The following IMMP2L variants were observed in gnomAD, a reference collection of about 807,000 sequenced individuals.
The protein encoded by IMMP2L is mitochondrial inner membrane protease subunit 2.
IMMP2L carries 18 observed loss-of-function variants against 19.3 expected under a neutral mutation model. The ratio of observed to expected loss-of-function variants is 0.93; its 90% CI spans 0.64 to 1.38. The LOEUF is 1.38. Ranked by LOEUF, IMMP2L falls within the 40% of genes most tolerant of loss-of-function variation. The pLI is 0.00. For synonymous variants in IMMP2L, 76 were observed against 73.0 expected, an observed-to-expected ratio of 1.04 and a Z score of -0.21; for missense variants, 233 against 218.2, an observed-to-expected ratio of 1.07 and a Z score of -0.43.
chr7:111,403,372 A>G (rs937548009), intron 3 of IMMP2L, among the ~76,000 whole-genome samples: 2 of 151,702 alleles, frequency 1.3e-5, no homozygotes, highest in Non-Finnish European at 2.9e-5. Flanking sequence ...AGTCAATTGA[A>G]CCTCTTTTCT....
At chr7:110,789,381 T>C (rs934572563) in intron 5 of IMMP2L, among the ~76,000 whole-genome samples, 2 of 151,708 alleles carry the variant, frequency 1.3e-5, no homozygotes, top group Non-Finnish European at 2.9e-5. Context: ...ATCTTTAGCT[T>C]CTCCCTGTTT....
intron 5 of IMMP2L, among the ~76,000 whole-genome samples, chr7:110,756,442 T>C (rs1248237982): frequency 2.0e-5 from 3 of 152,084 alleles, no homozygotes; most frequent in African/African-American, 7.2e-5. Flanking sequence ...ATATATATTT[T>C]GAAGCCCAGA....
rs1468865059 is a variant in IMMP2L at position 110,696,615 on chromosome 7, C to T, written c.409-32894G>A. Among the ~76,000 whole-genome samples the T allele has an allele frequency of 2.6e-5, 4 of 151,722 alleles. No homozygotes were observed. In the South Asian group the frequency reaches 6.2e-4, roughly 24 times the overall value. On this transcript the variant is annotated intron_variant, in intron 5 of 5. Coordinates refer to ENST00000405709, the MANE Select transcript of IMMP2L (RefSeq NM_032549.4). ...CTGATTTTTGTATTTTTAGTAGAGACGGGTTTCACCATGTTGGCCAGGCTG... is the reference window on the plus strand; with the variant it reads ...CTGATTTTTGTATTTTTAGTAGAGATGGGTTTCACCATGTTGGCCAGGCTG...
intron 5 of IMMP2L, among the ~76,000 whole-genome samples, chr7:110,736,635 A>AT (rs35517189): frequency 0.33 from 50,252 of 152,038 alleles, 10,080 homozygotes; most frequent in East Asian, 0.69. Flanking sequence ...TCAAGATTTA[A>AT]TGTTCTTTGC....
At chr7:110,666,323 G>A (rs1203139680) in intron 5 of IMMP2L, among the ~76,000 whole-genome samples, 1 of 152,170 alleles carries the variant, frequency 6.6e-6, no homozygotes, top group Non-Finnish European at 1.5e-5. Context: ...CGCCCAGGCT[G>A]GAGTGCAGTG....
intron 3 of IMMP2L, among the ~76,000 whole-genome samples, chr7:111,006,110 T>C (rs564370444): frequency 3.9e-5 from 6 of 152,300 alleles, no homozygotes; most frequent in Admixed American, 1.3e-4. Context: ...GCGTAAATTA[T>C]GCTTACATCT....
At chr7:111,297,519 T>C (rs1335345109) in intron 3 of IMMP2L, among the ~76,000 whole-genome samples, 1 of 152,116 alleles carries the variant, frequency 6.6e-6, no homozygotes, top group Non-Finnish European at 1.5e-5. Flanking sequence ...AGAAATAAAG[T>C]TATTATATAC....
chr7:111,259,651 AAAC>A (rs1200432637), intron 3 of IMMP2L, among the ~76,000 whole-genome samples: 1 of 105,574 alleles, frequency 9.5e-6, no homozygotes, highest in African/African-American at 3.9e-5. Context: ...AATAATTTTA[AAAC>A]AATAATAATA....
chr7:111,121,605 A>T (rs527285663), intron 3 of IMMP2L, among the ~76,000 whole-genome samples: 1 of 152,312 alleles, frequency 6.6e-6, no homozygotes, highest in African/African-American at 2.4e-5. Context: ...GATGTGGAGA[A>T]ATAGGAACAC....
At chr7:111,279,934 A>C (rs1002944195) in intron 3 of IMMP2L, among the ~76,000 whole-genome samples, 10 of 152,132 alleles carry the variant, frequency 6.6e-5, no homozygotes, top group Non-Finnish European at 1.5e-4. Flanking sequence ...TCCATCTTTA[A>C]TGCTGACTAA....
chr7:111,443,636 G>A (rs2131816062), intron 3 of IMMP2L, among the ~76,000 whole-genome samples: 2 of 152,220 alleles, frequency 1.3e-5, no homozygotes, highest in Middle Eastern at 3.4e-3. Flanking sequence ...ATCCCAGAAG[G>A]ACTTCAGAAT....
At chr7:110,925,505 T>C (rs558604377) in intron 4 of IMMP2L, among the ~76,000 whole-genome samples, 2 of 152,264 alleles carry the variant, frequency 1.3e-5, no homozygotes, top group East Asian at 1.9e-4. Flanking sequence ...TGACATTCTG[T>C]CTGAGATGAA....
chr7:111,151,472 C>T (rs911281418), intron 3 of IMMP2L, among the ~76,000 whole-genome samples: 1 of 151,996 alleles, frequency 6.6e-6, no homozygotes, highest in Non-Finnish European at 1.5e-5. Context: ...GAGACAGAGA[C>T]AGAACGAGAC....
intron 5 of IMMP2L, among the ~76,000 whole-genome samples, chr7:110,825,906 C>A (rs931322203): frequency 1.3e-5 from 2 of 152,144 alleles, no homozygotes; most frequent in Non-Finnish European, 1.5e-5. Context: ...AGGCAACCTA[C>A]AGAATGGGAG....
chr7:110,881,521 C>T (rs1809628263), intron 5 of IMMP2L, among the ~76,000 whole-genome samples: 1 of 152,028 alleles, frequency 6.6e-6, no homozygotes, highest in Non-Finnish European at 1.5e-5. Context: ...GTACTACAAG[C>T]AACAAGAAAA....
chr7:110,920,627 T>C (rs1283722169), intron 4 of IMMP2L, among the ~76,000 whole-genome samples: 1 of 152,198 alleles, frequency 6.6e-6, no homozygotes, highest in African/African-American at 2.4e-5. Context: ...ATTTTTGAAA[T>C]AGTATTTTAT....
At chr7:110,768,544 AT>A (rs1399666422) in intron 5 of IMMP2L, among the ~76,000 whole-genome samples, 4 of 152,154 alleles carry the variant, frequency 2.6e-5, no homozygotes, top group Non-Finnish European at 5.9e-5. Context: ...GGCTTTAGCC[AT>A]AATGAACTAC....
intron 5 of IMMP2L, among the ~76,000 whole-genome samples, chr7:110,748,016 A>T (rs1046734703): frequency 6.6e-6 from 1 of 152,196 alleles, no homozygotes; most frequent in African/African-American, 2.4e-5. Context: ...CTCAGCCCAA[A>T]ATCTCCTTAA....
chr7:111,390,287 G>A (rs980258053), intron 3 of IMMP2L, among the ~76,000 whole-genome samples: 3 of 152,100 alleles, frequency 2.0e-5, no homozygotes, highest in Admixed American at 1.3e-4. Context: ...GGTTCTGTCA[G>A]GCCTGCCTCA....
Sources: allele counts gnomAD v4.1 joint callset (sites outside exome capture counted in the v4.1 genomes callset), GRCh38; gene constraint gnomAD v4.1.1; transcripts MANE v1.5; gene names NCBI Gene and HGNC (gene_info 2026-07-23, HGNC 2026-07-21).